Variants in RAD51B observed in about 807,000 individuals in gnomAD.
RAD51B encodes the protein DNA repair protein RAD51 homolog 2.
In RAD51B, 38 loss-of-function variants were observed where a neutral mutation model predicts 42.2. The ratio of observed to expected loss-of-function variants is 0.90; its 90% CI spans 0.70 to 1.18. RAD51B has a LOEUF of 1.18. Among genes scored for constraint, RAD51B ranks in the 50% most tolerant of loss-of-function variants. The probability of loss-of-function intolerance (pLI) is 0.00; values close to 1 mark genes in which losing one functional copy is unlikely to be tolerated. For synonymous variants in RAD51B, 154 were observed against 145.2 expected (o/e 1.06, Z -0.43); for missense variants, 373 against 400.7 (o/e 0.93, Z 0.59).
chr14:68,426,011 T>TTC (rs1594818106), intron 9 of RAD51B, among the ~76,000 whole-genome samples: 33 of 65,430 alleles, frequency 5.0e-4, no homozygotes, highest in East Asian at 3.5e-3. Flanking sequence ...TTCCTTCCTT[T>TTC]CTTTCTTTCT....
chr14:68,328,916 C>G (rs2082295890), intron 8 of RAD51B, among the ~76,000 whole-genome samples: 2 of 152,178 alleles, frequency 1.3e-5, no homozygotes, highest in Admixed American at 6.5e-5. Context: ...CATCATTTGA[C>G]CACTCAAGTT....
chr14:68,084,065 G>A lies in RAD51B; in HGVS notation c.756+196861G>A, dbSNP rs571635293. Among the ~76,000 whole-genome samples the A allele has an allele frequency of 9.8e-4, 149 of 152,180 alleles. 2 individuals carry two copies. In the South Asian group the frequency reaches 0.03, roughly 30 times the overall value. On this transcript the variant is annotated intron_variant, in intron 7 of 10. Coordinates refer to ENST00000471583, the MANE Select transcript of RAD51B (RefSeq NM_133510.4). ...TTTTAGTATTGTGTTTATTTTTGTTGGGAGTGAGCAGAAAATGAAGCCTTC... is the reference window on the plus strand; with the variant it reads ...TTTTAGTATTGTGTTTATTTTTGTTAGGAGTGAGCAGAAAATGAAGCCTTC...
chr14:68,139,269 T>G (rs75967158), intron 7 of RAD51B, among the ~76,000 whole-genome samples: 2 of 115,024 alleles, frequency 1.7e-5, no homozygotes, highest in South Asian at 2.3e-4. Flanking sequence ...TTCTAAATGG[T>G]TTTTTTTTTT....
At chr14:67,837,428 T>C (rs961192997) in intron 4 of RAD51B, among the ~76,000 whole-genome samples, 2 of 152,228 alleles carry the variant, frequency 1.3e-5, no homozygotes, top group African/African-American at 4.8e-5. Flanking sequence ...TTATTAATTA[T>C]TTTTTAAAAT....
intron 7 of RAD51B, among the ~76,000 whole-genome samples, chr14:68,224,832 T>C (rs1390678452): frequency 6.6e-6 from 1 of 151,998 alleles, no homozygotes; most frequent in Non-Finnish European, 1.5e-5. Flanking sequence ...TAGCTGGGAT[T>C]ACAGGTGTCC....
intron 7 of RAD51B, among the ~76,000 whole-genome samples, chr14:67,936,192 CA>C (rs1169298228): frequency 1.3e-5 from 2 of 152,072 alleles, no homozygotes; most frequent in Non-Finnish European, 2.9e-5. Context: ...AGTCTAATTC[CA>C]AAACATTTCA....
At chr14:68,398,334 T>C (rs1263602131) in intron 8 of RAD51B, among the ~76,000 whole-genome samples, 1 of 152,208 alleles carries the variant, frequency 6.6e-6, no homozygotes, top group Non-Finnish European at 1.5e-5. Context: ...CACCTCAGCA[T>C]TTCTGTCTTG....
chr14:68,465,632 G>T (rs1020105190), intron 9 of RAD51B, among the ~76,000 whole-genome samples: 1 of 152,038 alleles, frequency 6.6e-6, no homozygotes, highest in African/African-American at 2.4e-5. Flanking sequence ...CCCTTCTAAG[G>T]GATATCCTTA....
chr14:68,420,337 A>G (rs2084666983), intron 9 of RAD51B, among the ~76,000 whole-genome samples: 1 of 152,222 alleles, frequency 6.6e-6, no homozygotes, highest in Non-Finnish European at 1.5e-5. Context: ...GCCAGAGTTC[A>G]TAAAGTGAAA....
At chr14:67,929,230 T>C (rs893531855) in intron 7 of RAD51B, among the ~76,000 whole-genome samples, 1 of 152,158 alleles carries the variant, frequency 6.6e-6, no homozygotes, top group African/African-American at 2.4e-5. Context: ...TGTTTATTGC[T>C]ATAAACTCCC....
intron 7 of RAD51B, among the ~76,000 whole-genome samples, chr14:68,238,420 C>G (rs545102195): frequency 6.6e-6 from 1 of 152,238 alleles, no homozygotes; most frequent in Non-Finnish European, 1.5e-5. Context: ...CTCACCTCAG[C>G]CTCCCAAGTA....
At chr14:68,597,475 G>A (rs148357617), downstream of RAD51B, among the ~76,000 whole-genome samples, 194 of 152,314 alleles carry the variant, frequency 1.3e-3, 1 homozygote, top group African/African-American at 4.5e-3. Flanking sequence ...AAAAGAACAA[G>A]ATCGTGTCTC....
chr14:68,208,176 A>G (rs2079633221), intron 7 of RAD51B, among the ~76,000 whole-genome samples: 1 of 152,194 alleles, frequency 6.6e-6, no homozygotes, highest in Non-Finnish European at 1.5e-5. Context: ...AATAGCATGT[A>G]ATCTTACCTA....
At chr14:68,673,593 A>G (rs1302721868) in intron 11 of RAD51B, among the ~76,000 whole-genome samples, 5 of 135,398 alleles carry the variant, frequency 3.7e-5, no homozygotes, top group African/African-American at 1.5e-4. Context: ...GTACATACAC[A>G]TATGTACATG....
At chr14:67,907,364 C>T (rs2043811542) in intron 7 of RAD51B, among the ~76,000 whole-genome samples, 1 of 152,018 alleles carries the variant, frequency 6.6e-6, no homozygotes, top group Non-Finnish European at 1.5e-5. Context: ...TAGTTCTCTA[C>T]TGCTGCTTAA....
At chr14:68,223,131 G>A (rs577386224) in intron 7 of RAD51B, among the ~76,000 whole-genome samples, 3 of 152,284 alleles carry the variant, frequency 2.0e-5, no homozygotes, top group East Asian at 3.9e-4. Flanking sequence ...CAGGAAAATC[G>A]TTATCTACTC....
At chr14:67,834,994 T>C in intron 3 of RAD51B, 86 bp from the exon 4 acceptor site, 2 of 1,018,594 alleles carry the variant, frequency 2.0e-6, no homozygotes, top group South Asian at 2.9e-5. Context: ...AGGGTTAAAA[T>C]TGCTAAAATT....
At chr14:68,671,101 T>G (rs1396312644) in intron 11 of RAD51B, among the ~76,000 whole-genome samples, 9 of 152,054 alleles carry the variant, frequency 5.9e-5, no homozygotes, top group Admixed American at 5.9e-4. Context: ...GTTGGCAAAA[T>G]GAAACTCCCT....
At chr14:68,644,348 G>T (rs376722446) in intron 10 of RAD51B, among the ~76,000 whole-genome samples, 2 of 152,138 alleles carry the variant, frequency 1.3e-5, no homozygotes, top group African/African-American at 4.8e-5. Context: ...CATAAGTCCT[G>T]TTCCTAGTCA....
Sources: allele counts gnomAD v4.1 joint callset (sites outside exome capture counted in the v4.1 genomes callset), GRCh38; gene constraint gnomAD v4.1.1; transcripts MANE v1.5; gene names NCBI Gene and HGNC (gene_info 2026-07-23, HGNC 2026-07-21).